The following CNTNAP5 variants were observed in gnomAD, a reference collection of about 807,000 sequenced individuals.
The protein encoded by CNTNAP5 is contactin associated protein family member 5.
CNTNAP5 carries 72 observed loss-of-function variants against 150.2 expected under a neutral mutation model. The ratio of observed to expected loss-of-function variants is 0.48; its 90% CI spans 0.40 to 0.58. The LOEUF (loss-of-function observed/expected upper bound fraction) is 0.58. Ranked by LOEUF, CNTNAP5 falls within the 20% of genes least tolerant of loss-of-function variation. The pLI, the probability that CNTNAP5 is intolerant of heterozygous loss-of-function variation, is 0.00. For synonymous variants in CNTNAP5, 672 were observed against 619.8 expected (o/e 1.08, Z -1.25); for missense variants, 1,636 against 1,626.2 (o/e 1.01, Z -0.10).
At chr2:124,701,588 T>C (rs953003660) in intron 13 of CNTNAP5, among the ~76,000 whole-genome samples, 4 of 152,112 alleles carry the variant, frequency 2.6e-5, no homozygotes, top group African/African-American at 2.4e-5. Context: ...TTTAATTTCT[T>C]CATAATTCCC....
chr2:124,718,299 G>T (rs2105112937), intron 13 of CNTNAP5, among the ~76,000 whole-genome samples: 1 of 152,278 alleles, frequency 6.6e-6, no homozygotes, highest in African/African-American at 2.4e-5. Context: ...AATGAAGAAA[G>T]ATAAAGGTTC....
At chr2:124,155,073 CCG>C (rs1179751950) in intron 1 of CNTNAP5, among the ~76,000 whole-genome samples, 14 of 122,756 alleles carry the variant, frequency 1.1e-4, no homozygotes, top group African/African-American at 4.0e-4. Context: ...CAAACCATTC[CCG>C]TTTTTTTTTT....
chr2:124,401,056 G>A (rs184565170), intron 3 of CNTNAP5, among the ~76,000 whole-genome samples: 1 of 152,010 alleles, frequency 6.6e-6, no homozygotes, highest in Non-Finnish European at 1.5e-5. Context: ...TAGTAGAAAC[G>A]GGGTTTCACT....
At chr2:124,909,133 A>G (rs2104766479) in intron 22 of CNTNAP5, among the ~76,000 whole-genome samples, 1 of 152,274 alleles carries the variant, frequency 6.6e-6, no homozygotes, top group Middle Eastern at 3.4e-3. Context: ...GACCTTCACC[A>G]CTTACTCACT....
intron 1 of CNTNAP5, among the ~76,000 whole-genome samples, chr2:124,028,743 G>A (rs375357928): frequency 3.1e-4 from 47 of 152,102 alleles, no homozygotes; most frequent in Admixed American, 9.2e-4. Context: ...TAGAAGAGCT[G>A]AGGAGTTCTA....
intron 7 of CNTNAP5, among the ~76,000 whole-genome samples, chr2:124,493,917 T>C (rs1378516008): frequency 1.3e-5 from 2 of 151,212 alleles, no homozygotes; most frequent in Non-Finnish European, 2.9e-5. Flanking sequence ...AAAGTTGTTT[T>C]GTTTGTGGGC....
intron 12 of CNTNAP5, among the ~76,000 whole-genome samples, chr2:124,627,222 C>T (rs897906359): frequency 3.9e-5 from 6 of 152,140 alleles, no homozygotes; most frequent in Admixed American, 1.3e-4. Context: ...ACACCAGCTC[C>T]CCTAAGGGGC....
At chr2:124,795,502 T>C (rs1016044195) in intron 18 of CNTNAP5, among the ~76,000 whole-genome samples, 1 of 151,964 alleles carries the variant, frequency 6.6e-6, no homozygotes, top group Non-Finnish European at 1.5e-5. Context: ...ATTTGTTTTG[T>C]TTTGTTTTTG....
At position 124,860,484 on chromosome 2, in the gene CNTNAP5, C is replaced by T. The variant is rs866425392; in HGVS notation, c.3218-4822C>T. Among the ~76,000 whole-genome samples the T allele has an allele frequency of 7.6e-3, 699 of 92,494 alleles. 14 individuals are homozygous for T. The highest frequency in any genetic ancestry group is 0.025 in the African/African-American group (402 of 16,228). 60.7% of individuals were successfully genotyped at this position (92,494 alleles called of 152,430 possible). On this transcript the variant is annotated intron_variant, in intron 19 of 23. Transcript: ENST00000682447. ...CCTTCCTTCCTTCCTTCCTTCCTTC[C>T]TTCCTTCCTTCCTTCCTTCTTTCCT...
At chr2:124,529,954 G>C (rs1042994267) in intron 10 of CNTNAP5, among the ~76,000 whole-genome samples, 1 of 152,106 alleles carries the variant, frequency 6.6e-6, no homozygotes, top group East Asian at 1.9e-4. Flanking sequence ...CCCCAACCGG[G>C]CATCTTACAT....
chr2:124,794,053 C>A (rs1248328580), intron 18 of CNTNAP5, among the ~76,000 whole-genome samples: 1 of 152,184 alleles, frequency 6.6e-6, no homozygotes, highest in Non-Finnish European at 1.5e-5. Context: ...ATTTTATATT[C>A]TGGATTTTCT....
At chr2:124,892,349 G>A (rs1678210825) in intron 21 of CNTNAP5, among the ~76,000 whole-genome samples, 1 of 152,098 alleles carries the variant, frequency 6.6e-6, no homozygotes, top group Non-Finnish European at 1.5e-5. Flanking sequence ...CTGTGAGCTG[G>A]ACAATCCCTT....
chr2:124,444,198 C>T (rs1692747694), intron 5 of CNTNAP5, among the ~76,000 whole-genome samples: 1 of 152,086 alleles, frequency 6.6e-6, no homozygotes. Flanking sequence ...CTCTTCTTGC[C>T]TGAACCCCTT....
chr2:124,176,848 T>G (rs1685077932), intron 1 of CNTNAP5, among the ~76,000 whole-genome samples: 1 of 147,902 alleles, frequency 6.8e-6, no homozygotes, highest in South Asian at 2.1e-4. Context: ...GCTGGTTTTT[T>G]TTTTTTTTTT....
At chr2:124,389,751 A>G (rs1691063379) in intron 3 of CNTNAP5, among the ~76,000 whole-genome samples, 1 of 152,098 alleles carries the variant, frequency 6.6e-6, no homozygotes, top group Admixed American at 6.6e-5. Flanking sequence ...GGATTGCTTT[A>G]GGCTAGAAGA....
At chr2:124,811,780 A>G (rs982048251) in intron 19 of CNTNAP5, among the ~76,000 whole-genome samples, 6 of 149,702 alleles carry the variant, frequency 4.0e-5, no homozygotes, top group Non-Finnish European at 5.9e-5. Flanking sequence ...ATCTGTACTA[A>G]AAATACAAAA....
chr2:124,362,406 A>G (rs1187381743), intron 3 of CNTNAP5, among the ~76,000 whole-genome samples: 1 of 152,194 alleles, frequency 6.6e-6, no homozygotes, highest in Non-Finnish European at 1.5e-5. Flanking sequence ...TCGACTAAGT[A>G]TTGTTGACTT....
chr2:124,552,143 T>C (rs1462549572), intron 10 of CNTNAP5, among the ~76,000 whole-genome samples: 2 of 152,182 alleles, frequency 1.3e-5, no homozygotes, highest in African/African-American at 4.8e-5. Context: ...GAGTGTGTTA[T>C]CAGATGAGCT....
intron 1 of CNTNAP5, among the ~76,000 whole-genome samples, chr2:124,074,691 G>A (rs1370178540): frequency 6.6e-6 from 1 of 152,010 alleles, no homozygotes; most frequent in African/African-American, 2.4e-5. Context: ...ATTTCTGAGT[G>A]GAGAATGTGG....
Sources: gnomAD v4.1 joint callset for allele counts (sites outside exome capture counted in the v4.1 genomes callset) on GRCh38, gnomAD v4.1.1 for gene constraint, MANE v1.5 for transcripts, NCBI Gene and HGNC (gene_info 2026-07-23, HGNC 2026-07-21) for gene names.